Variants in CYP3A4 observed in about 807,000 individuals in gnomAD.
The protein encoded by CYP3A4 is cytochrome P450 3A4.
In CYP3A4, 41 loss-of-function variants were observed where a neutral mutation model predicts 54.9. The observed-to-expected ratio is 0.75, with a 90% CI of 0.58 to 0.97. CYP3A4 has a LOEUF of 0.97. CYP3A4 is among the 50% of genes least tolerant of loss of function. The pLI, the probability that CYP3A4 is intolerant of heterozygous loss-of-function variation, is 0.00. For synonymous variants in CYP3A4, 179 were observed against 205.2 expected (o/e 0.87, Z 1.09); for missense variants, 510 against 597.3 (o/e 0.85, Z 1.52).
Position 99,757,936 on chromosome 7 carries a change from C to G in CYP3A4, c.*197G>C, listed in dbSNP as rs1476490585. 1 of 547,200 alleles carries G rather than the reference C, an allele frequency of 1.8e-6. No individual in the cohort carries two copies. The highest frequency in any genetic ancestry group is 1.9e-5 in the African/African-American group (1 of 52,576). The allele number at this position is 547,200 out of a possible 1,614,324, so 33.9% of individuals were successfully genotyped here. The stretch of plus-strand genomic sequence containing the variant: ...CCTCCTCACACTGATTTGGTCACCT[C>G]CTTTATATTCCCAAGTATAACACTC... On this transcript the variant is annotated 3_prime_UTR_variant, in exon 13 of 13. Transcript: ENST00000651514.
Position 99,762,205 on chromosome 7 carries a change from C to T in CYP3A4, c.1089G>A (p.Thr363=), listed in dbSNP as rs147736753. 96 of 1,613,998 alleles carry T rather than the reference C, an allele frequency of 5.9e-5. No individual in the cohort carries two copies. The Middle Eastern group carries it at 1.2e-3, about 19-fold the overall frequency. ...MEYLDMVVNE[T]LRLFPIAMRL... ...TCATAGCAATTGGGAATAATCTGAG[C>T]GTTTCATTCACCACCATGTCAAGAT... The change falls in exon 11 of 13, where the codon ACG becomes ACA. Residue 363 remains threonine, a synonymous_variant. Coordinates refer to ENST00000651514, the MANE Select transcript of CYP3A4 (RefSeq NM_017460.6).
Position 99,761,070 on chromosome 7 carries a change from C to T in CYP3A4, c.1254-89G>A, listed in dbSNP as rs77669275. The T allele has an allele frequency of 2.4e-4, 340 of 1,420,066 alleles. No homozygotes were observed. In the African/African-American group the frequency reaches 4.2e-3, roughly 18 times the overall value. 88.0% of individuals were successfully genotyped at this position (1,420,066 alleles called of 1,614,324 possible). ...AGGGTTTCTTACTTAGGGGCCACCC[C>T]TCAACTAGTAGTACACAGGATACTT... On this transcript the variant is annotated intron_variant, in intron 11 of 12. Transcript: ENST00000651514.
chr7:99,770,266 A>G (rs1003916896), intron 4 of CYP3A4, 31 bp from the exon 5 acceptor site: 1 of 1,571,100 alleles, frequency 6.4e-7, no homozygotes, highest in Non-Finnish European at 8.8e-7. Context: ...ATTTTGTCCT[A>G]CATCAGTTGT....
At chr7:99,777,273 G>T (rs1584549055) in intron 3 of CYP3A4, among the ~76,000 whole-genome samples, 1 of 152,048 alleles carries the variant, frequency 6.6e-6, no homozygotes, top group African/African-American at 2.4e-5. Flanking sequence ...AAGAAGAGGG[G>T]AATAGGCAGA....
At chr7:99,763,398 A>G (rs1815388901) in intron 10 of CYP3A4, among the ~76,000 whole-genome samples, 1 of 152,238 alleles carries the variant, frequency 6.6e-6, no homozygotes, top group Admixed American at 6.5e-5. Context: ...TACCTTTCAA[A>G]AAAAAAAGTC....
At chr7:99,765,062 A>AG (rs1414087690) in intron 9 of CYP3A4, among the ~76,000 whole-genome samples, 6 of 152,216 alleles carry the variant, frequency 3.9e-5, no homozygotes, top group Non-Finnish European at 8.8e-5. Context: ...GTGATTTACC[A>AG]GTGAAGACTT....
chr7:99,779,711 CCTT>C (rs1341147166), intron 2 of CYP3A4, among the ~76,000 whole-genome samples: 2 of 152,202 alleles, frequency 1.3e-5, no homozygotes, highest in African/African-American at 4.8e-5. Flanking sequence ...AAAAAGAAAA[CCTT>C]CTTTATGGCG....
Position 99,769,859 on chromosome 7 carries a change from A to G in CYP3A4, c.433-3T>C, listed in dbSNP as rs773434059. On this transcript the variant is annotated splice_region_variant and splice_polypyrimidine_tract_variant and intron_variant, in intron 5 of 12. Transcript: ENST00000651514. ...TACTGGGCAATGATAGGGACCATCT[A>G]AGCACAAAACACAACACCACCCATA... The G allele has an allele frequency of 1.9e-6, 3 of 1,614,020 alleles. No individual in the cohort carries two copies. The highest frequency in any genetic ancestry group is 2.5e-6 in the Non-Finnish European group (3 of 1,179,892).
In CYP3A4 at chr7:99,764,267, G is replaced by A. The variant is rs545399738; in HGVS notation, c.866-252C>T. On this transcript the variant is annotated intron_variant, in intron 9 of 12. Transcript: ENST00000651514. ...ATCCACTCCTCCTCATGCCACCCCCGCCACCTGCACAGCTGTGTAATTTCC... is the reference window on the plus strand; with the variant it reads ...ATCCACTCCTCCTCATGCCACCCCCACCACCTGCACAGCTGTGTAATTTCC... Among the ~76,000 whole-genome samples, 5 of 152,118 alleles carry A rather than the reference G, an allele frequency of 3.3e-5. 1 individual carries two copies. Among genetic ancestry groups the A allele is most frequent in the African/African-American group, 9.6e-5 (4 of 41,492 alleles).
At chr7:99,761,715 AT>A (rs1293784644) in intron 11 of CYP3A4, among the ~76,000 whole-genome samples, 4 of 152,154 alleles carry the variant, frequency 2.6e-5, no homozygotes, top group Non-Finnish European at 5.9e-5. Context: ...TATGAAAAAA[AT>A]ATTCATTTGG....
Position 99,769,830 on chromosome 7 carries a change from T to G in CYP3A4, c.459A>C (p.Gly153=), listed in dbSNP as rs745797922. The change falls in exon 6 of 13, where the codon GGA becomes GGC. Residue 153 remains glycine, a synonymous_variant. Coordinates refer to ENST00000651514, the MANE Select transcript of CYP3A4 (RefSeq NM_017460.6). ...KEMVPIIAQY[G]DVLVRNLRRE... The stretch of plus-strand genomic sequence containing the variant: ...GCCTCAGATTTCTCACCAACACATC[T>G]CCATACTGGGCAATGATAGGGACCA... 1 of 1,613,888 alleles carries G rather than the reference T, an allele frequency of 6.2e-7. No homozygotes were observed. The highest frequency in any genetic ancestry group is 8.5e-7 in the Non-Finnish European group (1 of 1,179,900).
rs184002465 is a variant in CYP3A4, at chr7:99,778,280, C to A, written c.166-200G>T. On this transcript the variant is annotated intron_variant, in intron 2 of 12. Coordinates refer to ENST00000651514, the MANE Select transcript of CYP3A4 (RefSeq NM_017460.6). ...GGAAATTTAAAATCACTCTTGAATT[C>A]TCTCCAAGTGTTGTGGATACTGAAT... is the stretch of plus-strand genomic sequence containing the variant. 4.6e-5 allele frequency among the ~76,000 whole-genome samples: 7 copies of A among 152,266 alleles called. No individual in the cohort carries two copies. In the East Asian group the frequency reaches 1.3e-3, roughly 29 times the overall value.
At chr7:99,761,376 T>C (rs1313493647) in intron 11 of CYP3A4, among the ~76,000 whole-genome samples, 2 of 152,052 alleles carry the variant, frequency 1.3e-5, no homozygotes, top group African/African-American at 4.8e-5. Context: ...GAAGGGGAAA[T>C]TGTCTTGTAC....
intron 6 of CYP3A4, 96 bp from the exon 7 acceptor site, chr7:99,768,598 G>A (rs1357580192): frequency 5.0e-6 from 8 of 1,605,572 alleles, no homozygotes; most frequent in South Asian, 1.1e-5. Context: ...AGTCAAGACA[G>A]ACAAACAGCC....
chr7:99,771,640 C>G (rs952755382), intron 4 of CYP3A4, among the ~76,000 whole-genome samples: 3 of 151,942 alleles, frequency 2.0e-5, no homozygotes, highest in Admixed American at 1.3e-4. Flanking sequence ...AGCAGAGGAC[C>G]AGGAAGAGTT....
chr7:99,767,609 C>G (rs1283952694), intron 7 of CYP3A4, among the ~76,000 whole-genome samples: 3 of 152,162 alleles, frequency 2.0e-5, no homozygotes, highest in African/African-American at 7.2e-5. Flanking sequence ...ATTAATCTTG[C>G]TGTTCAAGAA....
intron 3 of CYP3A4, among the ~76,000 whole-genome samples, chr7:99,777,416 C>T (rs1358423408): frequency 2.0e-5 from 3 of 151,770 alleles, no homozygotes; most frequent in Admixed American, 2.0e-4. Context: ...GTAGGACAAC[C>T]TTCGAAAAGT....
At chr7:99,769,161 C>T (rs569777841) in intron 6 of CYP3A4, among the ~76,000 whole-genome samples, 1 of 152,288 alleles carries the variant, frequency 6.6e-6, no homozygotes, top group East Asian at 1.9e-4. Flanking sequence ...TGAGTGACCA[C>T]ATATCCCTGG....
chr7:99,778,109 T>TCAAA, intron 2 of CYP3A4, 29 bp from the exon 3 acceptor site: 2 of 1,551,230 alleles, frequency 1.3e-6, no homozygotes, highest in Non-Finnish European at 1.8e-6. Context: ...TAATATTTGA[T>TCAAA]TATTATTTTT....
Sources: allele counts gnomAD v4.1 joint callset (sites outside exome capture counted in the v4.1 genomes callset), GRCh38; gene constraint gnomAD v4.1.1; transcripts MANE v1.5; gene names NCBI Gene and HGNC (gene_info 2026-07-23, HGNC 2026-07-21).